The following RARB variants were observed in gnomAD, a reference collection of about 807,000 sequenced individuals.
The protein encoded by RARB is retinoic acid receptor beta.
Under a neutral mutation model 51.9 loss-of-function variants are expected in RARB, and 17 were observed. The observed-to-expected ratio is 0.33, with a 90% CI of 0.22 to 0.49. The LOEUF (loss-of-function observed/expected upper bound fraction) is 0.49. Among genes scored for constraint, RARB ranks in the 20% least tolerant of loss-of-function variants. The pLI is 0.99. For synonymous variants in RARB, 215 were observed against 195.4 expected, an observed-to-expected ratio of 1.10 and a Z score of -0.84; for missense variants, 369 against 550.8, an observed-to-expected ratio of 0.67 and a Z score of 3.30.
chr3:25,005,755 C>T (rs1055763518), intron 2 of RARB, among the ~76,000 whole-genome samples: 7 of 152,072 alleles, frequency 4.6e-5, no homozygotes, highest in East Asian at 1.9e-4. Context: ...CTGGCTACTA[C>T]GCTCCTCCTG....
At chr3:25,515,131 C>G (rs140796915) in intron 3 of RARB, among the ~76,000 whole-genome samples, 3 of 152,322 alleles carry the variant, frequency 2.0e-5, no homozygotes, top group East Asian at 1.9e-4. Flanking sequence ...GTGTCCAGGT[C>G]TATGGAGTGC....
At chr3:24,912,623 G>A (rs551250795) in intron 2 of RARB, among the ~76,000 whole-genome samples, 4 of 152,188 alleles carry the variant, frequency 2.6e-5, no homozygotes, top group East Asian at 1.9e-4. Flanking sequence ...AGGGCACAGG[G>A]CAATGAACTC....
intron 2 of RARB, among the ~76,000 whole-genome samples, chr3:25,021,871 G>T (rs1383559941): frequency 6.6e-6 from 1 of 152,072 alleles, no homozygotes; most frequent in African/African-American, 2.4e-5. Context: ...CCAGGTTCAT[G>T]CTCTGAATTA....
At chr3:25,023,211 C>A (rs1208324132) in intron 2 of RARB, among the ~76,000 whole-genome samples, 1 of 152,096 alleles carries the variant, frequency 6.6e-6, no homozygotes, top group Non-Finnish European at 1.5e-5. Flanking sequence ...AACCTTGGGA[C>A]CTTTTGTGAC....
intron 5 of RARB, among the ~76,000 whole-genome samples, chr3:25,415,715 G>T (rs1428895042): frequency 6.6e-6 from 1 of 152,180 alleles, no homozygotes; most frequent in Non-Finnish European, 1.5e-5. Context: ...CCTTACAACA[G>T]TAGATCATAG....
intron 2 of RARB, among the ~76,000 whole-genome samples, chr3:24,973,772 A>C (rs1477983793): frequency 6.6e-6 from 1 of 152,034 alleles, no homozygotes; most frequent in East Asian, 1.9e-4. Context: ...GGCATATATA[A>C]ATACTACTGA....
chr3:25,246,117 T>G (rs9819528), intron 5 of RARB, among the ~76,000 whole-genome samples: 2,976 of 152,096 alleles, frequency 0.02, 94 homozygotes, highest in African/African-American at 0.068. Context: ...ATTTGGCTAT[T>G]GATAGTTGTG....
At chr3:25,165,116 A>G (rs1700538554) in intron 4 of RARB, among the ~76,000 whole-genome samples, 1 of 152,136 alleles carries the variant, frequency 6.6e-6, no homozygotes, top group African/African-American at 2.4e-5. Context: ...AAAGAAAAAA[A>G]ATACAAACCA....
intron 2 of RARB, among the ~76,000 whole-genome samples, chr3:24,953,993 C>G (rs1695955019): frequency 6.6e-6 from 1 of 152,112 alleles, no homozygotes; most frequent in Non-Finnish European, 1.5e-5. Flanking sequence ...TGAGTTTTGT[C>G]TCTTTGTCCT....
intron 2 of RARB, among the ~76,000 whole-genome samples, chr3:25,035,266 C>T (rs1697965279): frequency 6.6e-6 from 1 of 152,016 alleles, no homozygotes; most frequent in African/African-American, 2.4e-5. Context: ...GGACTACAAG[C>T]ACATGCCACC....
intron 3 of RARB, among the ~76,000 whole-genome samples, chr3:25,084,864 A>G (rs1699076744): frequency 6.6e-6 from 1 of 152,078 alleles, no homozygotes; most frequent in African/African-American, 2.4e-5. Flanking sequence ...ATTTTAAAAG[A>G]GAATTTACCA....
At chr3:24,914,474 T>C (rs942084012) in intron 2 of RARB, among the ~76,000 whole-genome samples, 2 of 152,136 alleles carry the variant, frequency 1.3e-5, no homozygotes, top group African/African-American at 2.4e-5. Context: ...ATGGAACATC[T>C]TCTGCCAATT....
intron 5 of RARB, among the ~76,000 whole-genome samples, chr3:25,402,075 C>G (rs905877772): frequency 1.3e-5 from 2 of 151,890 alleles, no homozygotes; most frequent in Non-Finnish European, 2.9e-5. Context: ...TGCACCCAGC[C>G]TGAAAATTTT....
At chr3:24,878,955 T>TA (rs1703103123) in intron 2 of RARB, among the ~76,000 whole-genome samples, 1 of 152,214 alleles carries the variant, frequency 6.6e-6, no homozygotes, top group African/African-American at 2.4e-5. Context: ...TTCTTCTCAT[T>TA]AAAAAATAAA....
chr3:25,501,088 A>G (rs1308251414), intron 2 of RARB, 94 bp from the exon 3 acceptor site: 17 of 1,422,718 alleles, frequency 1.2e-5, no homozygotes, highest in Non-Finnish European at 1.6e-5. Context: ...TCGTTACTCA[A>G]AAAGAGCAAT....
Position 25,201,055 on chromosome 3 carries a change from T to C in RARB, c.178+26480T>C, listed in dbSNP as rs536281279. 2.6e-5 allele frequency among the ~76,000 whole-genome samples: 4 copies of C among 152,348 alleles called. No homozygotes were observed. The South Asian group carries it at 8.3e-4, about 32-fold the overall frequency. ...GGCAGTATGGCCATTTTCACGATAT[T>C]GATTCTTCCTACCCATGAGCATGGA... On this transcript the variant is annotated intron_variant, in intron 5 of 11. Coordinates refer to the RARB transcript ENST00000383772.
At chr3:24,886,581 A>T (rs1441252614) in intron 2 of RARB, among the ~76,000 whole-genome samples, 5 of 151,910 alleles carry the variant, frequency 3.3e-5, no homozygotes, top group African/African-American at 1.2e-4. Context: ...AGTAGCTGAG[A>T]CCACAAGCAC....
chr3:24,878,031 G>A (rs1037193587), intron 2 of RARB, among the ~76,000 whole-genome samples: 2 of 152,098 alleles, frequency 1.3e-5, no homozygotes, highest in Middle Eastern at 3.2e-3. Flanking sequence ...AGTACTACAC[G>A]TGCAAGGTTC....
Position 25,521,468 on chromosome 3 carries a change from C to G in RARB, c.448+20145C>G, listed in dbSNP as rs1698397998. Among the ~76,000 whole-genome samples the G allele has an allele frequency of 2.0e-5, 3 of 152,184 alleles. No individual in the cohort carries two copies. The South Asian group carries it at 6.2e-4, about 32-fold the overall frequency. ...TGCTTCTGAGTTATTCCTGGTGCCT[C>G]TGACAGCTTCTAGGATATTCTGGGG... On this transcript the variant is annotated intron_variant, in intron 3 of 7. Coordinates refer to ENST00000330688, the MANE Select transcript of RARB (RefSeq NM_000965.5).
Sources: allele counts gnomAD v4.1 joint callset (sites outside exome capture counted in the v4.1 genomes callset), GRCh38; gene constraint gnomAD v4.1.1; transcripts MANE v1.5; gene names NCBI Gene and HGNC (gene_info 2026-07-23, HGNC 2026-07-21).